YES1: variants seen among roughly 807,000 people sequenced by gnomAD.
YES1 encodes the protein tyrosine-protein kinase Yes.
A neutral mutation model predicts 70.4 loss-of-function variants in YES1; 39 were observed. The observed-to-expected ratio is 0.55, with a 90% CI of 0.43 to 0.72. The LOEUF is 0.72. YES1 is among the 30% of genes least tolerant of loss of function. YES1 has a pLI of 0.00. For missense variants in YES1, 495 were observed against 644.8 expected (o/e 0.77, Z 2.52); for synonymous variants, 198 against 218.6 (o/e 0.91, Z 0.83).
chr18:785,577 G>A (rs1390007794), intron 1 of YES1, among the ~76,000 whole-genome samples: 1 of 152,144 alleles, frequency 6.6e-6, no homozygotes, highest in Non-Finnish European at 1.5e-5. Flanking sequence ...GCTATGGTTT[G>A]AATATGCACC....
intron 11 of YES1, among the ~76,000 whole-genome samples, chr18:729,783 T>C (rs908745065): frequency 2.0e-5 from 3 of 151,950 alleles, no homozygotes; most frequent in African/African-American, 4.8e-5. Context: ...CCCGCCACCA[T>C]GGCTGGCTAA....
intron 1 of YES1, among the ~76,000 whole-genome samples, chr18:771,480 T>C (rs941142596): frequency 6.6e-6 from 1 of 152,228 alleles, no homozygotes; most frequent in Non-Finnish European, 1.5e-5. Context: ...CACCTTCAAA[T>C]AAATTAACAT....
chr18:733,782 C>CAAAAAAAAAAAAAAAAAA (rs71174280), intron 10 of YES1, among the ~76,000 whole-genome samples: 2 of 59,242 alleles, frequency 3.4e-5, no homozygotes, highest in African/African-American at 1.2e-4. Flanking sequence ...GACTCCGTCT[C>CAAAAAAAAAAAAAAAAAA]AAAAAAAAAA....
At chr18:726,781 CAAAAAAAAAAAAAAAAAAAA>C (rs58322434) in intron 11 of YES1, among the ~76,000 whole-genome samples, 1 of 47,232 alleles carries the variant, frequency 2.1e-5, no homozygotes, top group Admixed American at 3.9e-4. Flanking sequence ...ACTCTTGTCT[CAAAAAAAAAAAAAAAAAAAA>C]AAAAAAAAAA....
chr18:794,058 T>C (rs1006864525), intron 1 of YES1, among the ~76,000 whole-genome samples: 6 of 152,216 alleles, frequency 3.9e-5, no homozygotes, highest in Non-Finnish European at 7.3e-5. Context: ...CAAGGAATCA[T>C]CAATGGAAGC....
chr18:765,725 A>G (rs1478978933), intron 1 of YES1, among the ~76,000 whole-genome samples: 2 of 152,150 alleles, frequency 1.3e-5, no homozygotes, highest in African/African-American at 4.8e-5. Context: ...TAAGGAGTAA[A>G]ATAAGTGGGA....
intron 1 of YES1, among the ~76,000 whole-genome samples, chr18:785,710 T>G (rs1905901734): frequency 6.7e-6 from 1 of 148,992 alleles, no homozygotes; most frequent in Non-Finnish European, 1.5e-5. Flanking sequence ...ATCATGGGAG[T>G]GGGTTTGTTA....
intron 8 of YES1, 140 bp from the exon 9 acceptor site, chr18:739,951 C>A (rs2145698724): frequency 3.1e-6 from 2 of 640,598 alleles, no homozygotes; most frequent in Non-Finnish European, 5.1e-6. Context: ...TTTGCAGTTT[C>A]CAAATAATTA....
At chr18:746,415 G>A (rs2080281800) in intron 4 of YES1, among the ~76,000 whole-genome samples, 1 of 152,164 alleles carries the variant, frequency 6.6e-6, no homozygotes, top group South Asian at 2.1e-4. Flanking sequence ...CCTGGTAACA[G>A]CATCATCATC....
chr18:750,910 TGCA>T (rs2080334022), intron 3 of YES1, among the ~76,000 whole-genome samples: 1 of 152,138 alleles, frequency 6.6e-6, no homozygotes, highest in Non-Finnish European at 1.5e-5. Flanking sequence ...CTCAGAAAAT[TGCA>T]AGTAATTCAG....
chr18:794,877 T>A (rs1568217919), intron 1 of YES1, among the ~76,000 whole-genome samples: 1 of 152,184 alleles, frequency 6.6e-6, no homozygotes, highest in Non-Finnish European at 1.5e-5. Flanking sequence ...AGAGCAGTGG[T>A]GCAATCTCGG....
chr18:804,750 C>A (rs1429509534), intron 1 of YES1, among the ~76,000 whole-genome samples: 3 of 150,734 alleles, frequency 2.0e-5, no homozygotes, highest in African/African-American at 7.3e-5. Context: ...CCATTCTCTA[C>A]TAAAAACACA....
chr18:743,403 C>G lies in YES1; in HGVS notation c.737G>C (p.Gly246Ala). 1 of 1,612,290 alleles carries G rather than the reference C, an allele frequency of 6.2e-7. No individual in the cohort carries two copies. The highest frequency in any genetic ancestry group is 8.5e-7 in the Non-Finnish European group (1 of 1,179,530). ...CACAGTTGTCAACTTGTGGCATAAA[C>G]CATCAGCATGTTCTAGATAAATGAA... The part of the protein sequence containing the change: ...LVKHYTEHAD[G>A]LCHKLTTVCP... Residue 246 changes from glycine to alanine, a missense_variant, in exon 7 of 12, where the codon GGT (glycine) becomes GCT (alanine). By Grantham distance (60) the Gly-to-Ala change is moderately conservative. Coordinates refer to ENST00000314574, the MANE Select transcript of YES1 (RefSeq NM_005433.4).
At chr18:730,589 G>A (rs942011410) in intron 11 of YES1, among the ~76,000 whole-genome samples, 5 of 152,086 alleles carry the variant, frequency 3.3e-5, no homozygotes, top group African/African-American at 1.2e-4. Flanking sequence ...CCAGCACTAG[G>A]ATCTCTGCCT....
intron 10 of YES1, 162 bp downstream of exon 10, chr18:736,646 C>G (rs903812182): frequency 1.7e-5 from 16 of 925,522 alleles, no homozygotes; most frequent in Non-Finnish European, 2.4e-5. Context: ...AAATAACTAT[C>G]AGAAAGCCAC....
chr18:801,304 C>T (rs1007610093), intron 1 of YES1, among the ~76,000 whole-genome samples: 5 of 151,994 alleles, frequency 3.3e-5, no homozygotes, highest in African/African-American at 4.8e-5. Context: ...CTGGAGTCCA[C>T]CCTGGGAGAC....
chr18:727,297 G>A (rs1256055678), intron 11 of YES1, among the ~76,000 whole-genome samples: 1 of 152,028 alleles, frequency 6.6e-6, no homozygotes, highest in Middle Eastern at 3.2e-3. Flanking sequence ...CTTCAGTTAG[G>A]ATTTGCAGAG....
At chr18:762,018 C>A (rs1454713788) in intron 1 of YES1, among the ~76,000 whole-genome samples, 1 of 152,032 alleles carries the variant, frequency 6.6e-6, no homozygotes, top group East Asian at 1.9e-4. Flanking sequence ...GAAACCCTGT[C>A]TCTACTAAAA....
At chr18:752,624 A>AAC (rs1469369755) in intron 2 of YES1, among the ~76,000 whole-genome samples, 1 of 152,202 alleles carries the variant, frequency 6.6e-6, no homozygotes, top group Non-Finnish European at 1.5e-5. Flanking sequence ...TTTAACACTT[A>AAC]AAGATAAAAA....
Sources: allele counts gnomAD v4.1 joint callset (sites outside exome capture counted in the v4.1 genomes callset), GRCh38; gene constraint gnomAD v4.1.1; transcripts MANE v1.5; gene names NCBI Gene and HGNC (gene_info 2026-07-23, HGNC 2026-07-21).